TACC2: variants seen among roughly 807,000 people sequenced by gnomAD.
TACC2 encodes the protein transforming acidic coiled-coil-containing protein 2.
TACC2 carries 137 observed loss-of-function variants against 227.3 expected under a neutral mutation model. That is an observed-to-expected ratio of 0.60 (90% CI 0.52 to 0.69). The LOEUF (loss-of-function observed/expected upper bound fraction) is 0.69. Ranked by LOEUF, TACC2 falls within the 30% of genes least tolerant of loss-of-function variation. TACC2 has a pLI of 0.00. For synonymous variants in TACC2, 1,523 were observed against 1,487.5 expected, an observed-to-expected ratio of 1.02 and a Z score of -0.55; for missense variants, 3,470 against 3,694.4, an observed-to-expected ratio of 0.94 and a Z score of 1.57.
rs2079974403 is a variant in TACC2, at chr10:122,085,302, A to G, written c.2802A>G (p.Ser934=). The change falls in exon 4 of 23, where the codon TCA becomes TCG. Residue 934 remains serine, a synonymous_variant. Transcript: ENST00000369005. ...ESSLTEESEL[S]APTRQKLPAL... Reference sequence around the variant, plus strand: ...CTCTGACAGAAGAGTCAGAATTGTCAGCACCAACGAGACAGAAGTTGCCTG... The same window carrying G: ...CTCTGACAGAAGAGTCAGAATTGTCGGCACCAACGAGACAGAAGTTGCCTG... 1.2e-6 allele frequency: 2 copies of G among 1,613,938 alleles called. No homozygotes were observed. The highest frequency in any genetic ancestry group is 2.7e-5 in the African/African-American group (2 of 74,920).
chr10:122,067,631 C>T (rs1429932565), intron 3 of TACC2, among the ~76,000 whole-genome samples: 2 of 151,986 alleles, frequency 1.3e-5, no homozygotes, highest in East Asian at 3.9e-4. Context: ...CTCAGCCCCC[C>T]AAGTAGCTGG....
Position 122,086,265 on chromosome 10 carries a change from TG to T in TACC2, c.3766del (p.Val1256PhefsTer16). On this transcript the variant is annotated frameshift_variant, in exon 4 of 23. Transcript: ENST00000369005. LOFTEE classifies it high-confidence loss of function. Reference sequence around the variant, plus strand: ...GAGCAGAAGACAGTGGAGTGAAAGCTGTTTCCTCTGCAGACCCCAGAGCTCC... The same window carrying T: ...GAGCAGAAGACAGTGGAGTGAAAGCTTTTCCTCTGCAGACCCCAGAGCTCC... ...RGAEDSGVKA[V>X]SSADPRAPGE... 2 of 1,614,000 alleles carry T rather than the reference TG, an allele frequency of 1.2e-6. No individual in the cohort carries two copies. Among genetic ancestry groups the T allele is most frequent in the Non-Finnish European group, 1.7e-6 (2 of 1,180,038 alleles).
chr10:122,163,482 C>T, intron 7 of TACC2: 1 of 818,114 alleles, frequency 1.2e-6, no homozygotes. Flanking sequence ...CTTCGCCTCC[C>T]CACCCCCAGC....
At chr10:121,993,419 G>T (rs1953120130) in intron 1 of TACC2, among the ~76,000 whole-genome samples, 1 of 152,078 alleles carries the variant, frequency 6.6e-6, no homozygotes, top group African/African-American at 2.4e-5. Flanking sequence ...GACTAGAAAA[G>T]AAATATGAGA....
chr10:122,063,460 G>A (rs1477466729), intron 3 of TACC2, among the ~76,000 whole-genome samples: 1 of 152,196 alleles, frequency 6.6e-6, no homozygotes, highest in African/African-American at 2.4e-5. Context: ...TTTTGACGCT[G>A]GCTGAAAAGG....
chr10:122,206,638 T>G (rs1298059203), intron 8 of TACC2, among the ~76,000 whole-genome samples: 2 of 152,180 alleles, frequency 1.3e-5, no homozygotes, highest in Non-Finnish European at 2.9e-5. Context: ...CTGTGGTCCT[T>G]GGTGATGGCA....
chr10:122,008,250 T>TTA (rs1554958039), intron 1 of TACC2, among the ~76,000 whole-genome samples: 1 of 66,612 alleles, frequency 1.5e-5, no homozygotes, highest in Non-Finnish European at 3.2e-5. Context: ...CCCTTTGTTA[T>TTA]TATTATTATT....
At chr10:122,096,424 C>T (rs1421437423) in intron 5 of TACC2, among the ~76,000 whole-genome samples, 14 of 152,310 alleles carry the variant, frequency 9.2e-5, no homozygotes, top group African/African-American at 2.9e-4. Context: ...CGGCCAGGCG[C>T]GGTGGCTCAC....
In TACC2 at chr10:122,227,999, G is replaced by A. The variant is rs944965247; in HGVS notation, c.7887G>A (p.Ala2629=). 3.1e-6 allele frequency: 5 copies of A among 1,612,470 alleles called. No homozygotes were observed. Among genetic ancestry groups the A allele is most frequent in the African/African-American group, 1.3e-5 (1 of 75,002 alleles). ...TGGGCTTGGGCACCCCTTCAGAAGC[G>A]ATTGAAATTGTAAGTGGAGTTGGAG... ...EAMGLGTPSE[A]IEITAPEGSF... The change falls in exon 14 of 23, where the codon GCG becomes GCA. Residue 2629 remains alanine (A), a synonymous_variant. Coordinates refer to ENST00000369005, the MANE Select transcript of TACC2 (RefSeq NM_206862.4).
At chr10:122,214,441 C>T (rs910905811) in intron 9 of TACC2, among the ~76,000 whole-genome samples, 1 of 152,108 alleles carries the variant, frequency 6.6e-6, no homozygotes, top group African/African-American at 2.4e-5. Flanking sequence ...ACCCAGTTAA[C>T]ATGCAAAGCA....
At chr10:122,099,523 A>G (rs1165007258) in intron 5 of TACC2, among the ~76,000 whole-genome samples, 1 of 152,190 alleles carries the variant, frequency 6.6e-6, no homozygotes, top group African/African-American at 2.4e-5. Flanking sequence ...GTTTCAGCAG[A>G]ACGTTCTCCT....
chr10:122,095,791 C>T (rs2081317632), intron 5 of TACC2, among the ~76,000 whole-genome samples: 1 of 152,224 alleles, frequency 6.6e-6, no homozygotes, highest in South Asian at 2.1e-4. Flanking sequence ...TGTCTCCACT[C>T]TCCAATACAG....
chr10:122,169,687 A>T (rs879547026), intron 7 of TACC2, among the ~76,000 whole-genome samples: 2 of 152,174 alleles, frequency 1.3e-5, no homozygotes, highest in Non-Finnish European at 2.9e-5. Context: ...ATTTATGCTC[A>T]TGGACTTAAA....
At chr10:122,163,708 C>A in intron 7 of TACC2, 1 of 1,125,548 alleles carries the variant, frequency 8.9e-7, no homozygotes, top group Non-Finnish European at 1.1e-6. Flanking sequence ...CACACTCGCG[C>A]GCACACATAC....
intron 7 of TACC2, among the ~76,000 whole-genome samples, chr10:122,171,573 T>C (rs2093473711): frequency 6.6e-6 from 1 of 152,226 alleles, no homozygotes; most frequent in African/African-American, 2.4e-5. Context: ...TAACAGAGGG[T>C]TTAAATCCCC....
intron 5 of TACC2, among the ~76,000 whole-genome samples, chr10:122,112,809 T>C (rs1460329605): frequency 6.6e-6 from 1 of 152,016 alleles, no homozygotes; most frequent in Non-Finnish European, 1.5e-5. Flanking sequence ...TGTGCGTCCA[T>C]CGGTCCGTGC....
At position 122,084,113 on chromosome 10, in the gene TACC2, C is replaced by T. The variant is rs905028710; in HGVS notation, c.1613C>T (p.Ala538Val). Residue 538 changes from alanine (A) to valine (V), a missense_variant, in exon 4 of 23, where the codon GCA (alanine) becomes GTA (valine). Physicochemically the swap from Ala to Val is moderately conservative, Grantham distance 64. This residue lies in a region of TACC2 where 1,924 missense variants were observed against 1,978.3 expected (regional missense o/e 0.97). Transcript: ENST00000369005. ...GCACCACCCCCTCCTCTTCCCAAGG[C>T]ACCAAGTGAAAGTGCCAGAGGGCCA... ...PGAPPPPLPK[A>V]PSESARGPPG... 8 of 1,613,976 alleles carry T rather than the reference C, an allele frequency of 5.0e-6. No homozygotes were observed. The highest frequency in any genetic ancestry group is 2.7e-5 in the African/African-American group (2 of 74,908).
intron 19 of TACC2, chr10:122,248,196 C>T (rs2096171385): frequency 6.3e-6 from 1 of 157,686 alleles, no homozygotes; most frequent in Non-Finnish European, 1.4e-5. Flanking sequence ...CCAAAGACCT[C>T]CTCTCTGTCC....
At chr10:122,007,325 A>G (rs1486099308) in intron 1 of TACC2, among the ~76,000 whole-genome samples, 6 of 151,530 alleles carry the variant, frequency 4.0e-5, no homozygotes, top group Non-Finnish European at 5.9e-5. Context: ...CTTTTTGTCC[A>G]TTTCTATTTG....
Sources: gnomAD v4.1 joint callset for allele counts (sites outside exome capture counted in the v4.1 genomes callset) on GRCh38, gnomAD v4.1.1 for gene constraint, gnomAD v4.1.1 regional missense constraint, MANE v1.5 for transcripts, NCBI Gene and HGNC (gene_info 2026-07-23, HGNC 2026-07-21) for gene names.